MLLT3: variants seen among roughly 807,000 people sequenced by gnomAD.
MLLT3 encodes MLLT3 super elongation complex subunit, also known as protein AF-9.
Under a neutral mutation model 53.2 loss-of-function variants are expected in MLLT3, and 4 were observed. That is an observed-to-expected ratio of 0.08 (90% CI 0.04 to 0.17). The LOEUF (loss-of-function observed/expected upper bound fraction) is 0.17. MLLT3 is among the 10% of genes least tolerant of loss of function. The pLI is 1.00. For synonymous variants in MLLT3, 283 were observed against 230.6 expected, an observed-to-expected ratio of 1.23 and a Z score of -2.06; for missense variants, 569 against 684.0, an observed-to-expected ratio of 0.83 and a Z score of 1.87.
In MLLT3 at chr9:20,585,095, T is replaced by G. The variant is rs368302566; in HGVS notation, c.193+35559A>C. ...TTGCCTTAACAAAATACCATAAACT[T>G]GGTGGCTTAGTAATTTGTTTCTCAC... On this transcript the variant is annotated intron_variant, in intron 2 of 10. Transcript: ENST00000380338. Among the ~76,000 whole-genome samples the G allele has an allele frequency of 2.6e-5, 4 of 152,138 alleles. No homozygotes were observed. In the South Asian group the frequency reaches 8.3e-4, roughly 32 times the overall value.
rs201287840 is a variant in MLLT3, at chr9:20,454,484, C to T, written c.276+2220G>A. On this transcript the variant is annotated intron_variant, in intron 3 of 10. Coordinates refer to ENST00000380338, the MANE Select transcript of MLLT3 (RefSeq NM_004529.4). ...AAAGAGAGAAGATACTTCATTGCATCATTATTTCAAAACTGAAGTCAATGC... is the reference window on the plus strand; with the variant it reads ...AAAGAGAGAAGATACTTCATTGCATTATTATTTCAAAACTGAAGTCAATGC... 4.6e-5 allele frequency among the ~76,000 whole-genome samples: 7 copies of T among 152,310 alleles called. No homozygotes were observed. The East Asian group carries it at 1.3e-3, about 29-fold the overall frequency.
chr9:20,435,241 A>C (rs1823373114), intron 4 of MLLT3, among the ~76,000 whole-genome samples: 1 of 152,058 alleles, frequency 6.6e-6, no homozygotes, highest in African/African-American at 2.4e-5. Flanking sequence ...ACAGGGTCTC[A>C]GTATGTTACC....
rs182089564 is a variant in MLLT3, at chr9:20,602,194, A to G, written c.193+18460T>C. Among the ~76,000 whole-genome samples, 48 of 152,164 alleles carry G rather than the reference A, an allele frequency of 3.2e-4. 1 individual carries two copies. Among genetic ancestry groups the G allele is most frequent in the African/African-American group, 1.1e-3 (47 of 41,518 alleles). On this transcript the variant is annotated intron_variant, in intron 2 of 10. Coordinates refer to ENST00000380338, the MANE Select transcript of MLLT3 (RefSeq NM_004529.4). ...CTTCTTCCCGCTAACTCGTATGGCT[A>G]TTTTCTCCATTTTCAAGCCTCCAAA...
intron 2 of MLLT3, among the ~76,000 whole-genome samples, chr9:20,511,259 T>A (rs1563794221): frequency 6.6e-6 from 1 of 151,894 alleles, no homozygotes; most frequent in Non-Finnish European, 1.5e-5. Flanking sequence ...TTTTGTAATT[T>A]AAAAAAAACT....
intron 5 of MLLT3, among the ~76,000 whole-genome samples, chr9:20,406,635 CTATT>C (rs1822584075): frequency 6.6e-6 from 1 of 152,086 alleles, no homozygotes; most frequent in African/African-American, 2.4e-5. Flanking sequence ...CTTTCTTTCT[CTATT>C]TATTTAAAGT....
Position 20,448,125 on chromosome 9 carries a change from C to A in MLLT3, c.418G>T (p.Gly140Trp). The A allele has an allele frequency of 6.2e-7, 1 of 1,612,654 alleles. No homozygotes were observed. Among genetic ancestry groups the A allele is most frequent in the Non-Finnish European group, 8.5e-7 (1 of 1,179,366 alleles). ...TTTCACAAGAGAGTGCCACTTACCC[C>A]TCCTGCCTTCAGCAACTTTCTCCTA... Reference protein sequence around the residue: ...DFRRKLLKAGGDPNRSIHTSS... With the variant: ...DFRRKLLKAGWDPNRSIHTSS... Residue 140 changes from glycine (G) to tryptophan (W), a missense_variant and splice_region_variant, in exon 4 of 11, where the codon GGG becomes TGG. By Grantham distance (184) the Gly-to-Trp change is radical. Transcript: ENST00000380338. This position sits in a 1 kb window ranked among gnomAD's most constrained non-coding sequence, Gnocchi z 4.0.
At chr9:20,384,013 C>T (rs1821969458) in intron 5 of MLLT3, among the ~76,000 whole-genome samples, 1 of 152,014 alleles carries the variant, frequency 6.6e-6, no homozygotes, top group Non-Finnish European at 1.5e-5. Flanking sequence ...TAGGGCATCA[C>T]ATTGTTTGAG....
chr9:20,456,065 T>A (rs1823960606), intron 3 of MLLT3, among the ~76,000 whole-genome samples: 2 of 151,740 alleles, frequency 1.3e-5, no homozygotes, highest in African/African-American at 4.8e-5. Flanking sequence ...CAGCCTCCTA[T>A]GTAGCTGTAA....
intron 2 of MLLT3, among the ~76,000 whole-genome samples, chr9:20,470,818 G>A (rs1401427416): frequency 6.6e-6 from 1 of 151,936 alleles, no homozygotes; most frequent in African/African-American, 2.4e-5. Context: ...GATGCTTTAT[G>A]TATAAATACA....
chr9:20,475,388 G>C (rs1824495522), intron 2 of MLLT3, among the ~76,000 whole-genome samples: 1 of 151,986 alleles, frequency 6.6e-6, no homozygotes, highest in South Asian at 2.1e-4. Context: ...TCCCCTCTTG[G>C]AAGCTGTCCT....
At chr9:20,581,297 G>T (rs1198251879) in intron 2 of MLLT3, among the ~76,000 whole-genome samples, 5 of 152,096 alleles carry the variant, frequency 3.3e-5, no homozygotes, top group African/African-American at 1.2e-4. Context: ...TTTTAAGCAA[G>T]AAATTACATA....
At chr9:20,352,782 A>T (rs1253889514) in intron 10 of MLLT3, among the ~76,000 whole-genome samples, 2 of 139,088 alleles carry the variant, frequency 1.4e-5, no homozygotes, top group South Asian at 4.4e-4. Flanking sequence ...TGAAAGTAGT[A>T]AAAAAAAAAA....
intron 5 of MLLT3, among the ~76,000 whole-genome samples, chr9:20,402,936 C>T (rs369716490): frequency 6.6e-6 from 1 of 152,186 alleles, no homozygotes. Flanking sequence ...GTACGCCTGA[C>T]AGGCTTAAAT....
At chr9:20,426,379 A>G (rs945610163) in intron 4 of MLLT3, among the ~76,000 whole-genome samples, 3 of 152,166 alleles carry the variant, frequency 2.0e-5, no homozygotes, top group Admixed American at 2.0e-4. Context: ...ATTTCTGATA[A>G]TTAGCCTTGA....
intron 8 of MLLT3, among the ~76,000 whole-genome samples, chr9:20,360,058 C>T (rs920257111): frequency 1.3e-5 from 2 of 152,170 alleles, no homozygotes; most frequent in East Asian, 3.8e-4. Flanking sequence ...AGTTGACTAT[C>T]AAATTAATAA....
At chr9:20,594,863 G>A (rs945142513) in intron 2 of MLLT3, among the ~76,000 whole-genome samples, 4 of 152,120 alleles carry the variant, frequency 2.6e-5, no homozygotes, top group African/African-American at 9.7e-5. Context: ...AAAAAGGAGA[G>A]GAACCCTCAG....
chr9:20,495,581 G>C lies in MLLT3; in HGVS notation c.194-38795C>G, dbSNP rs190491037. Reference sequence around the variant, plus strand: ...AGAAAACGTGTGTGGCTGATGCTCAGTGCCTATTAACAGCGTTTTCATTAC... The same window carrying C: ...AGAAAACGTGTGTGGCTGATGCTCACTGCCTATTAACAGCGTTTTCATTAC... On this transcript the variant is annotated intron_variant, in intron 2 of 10. Coordinates refer to ENST00000380338, the MANE Select transcript of MLLT3 (RefSeq NM_004529.4). Among the ~76,000 whole-genome samples, 351 of 152,252 alleles carry C rather than the reference G, an allele frequency of 2.3e-3. 2 individuals carry two copies. Among genetic ancestry groups the C allele is most frequent in the Middle Eastern group, 3.4e-3 (1 of 294 alleles).
intron 2 of MLLT3, among the ~76,000 whole-genome samples, chr9:20,457,789 G>C (rs1201933018): frequency 6.6e-6 from 1 of 152,178 alleles, no homozygotes. Flanking sequence ...TGGGGAATGA[G>C]AGACCCTAAG....
intron 2 of MLLT3, among the ~76,000 whole-genome samples, chr9:20,471,009 C>T (rs1586974422): frequency 6.6e-6 from 1 of 152,034 alleles, no homozygotes; most frequent in East Asian, 1.9e-4. Flanking sequence ...TTCATCACGT[C>T]CCTGAAAGAT....
Sources: allele counts gnomAD v4.1 joint callset (sites outside exome capture counted in the v4.1 genomes callset), GRCh38; gene constraint gnomAD v4.1.1; non-coding constraint Gnocchi (gnomAD v3.1); transcripts MANE v1.5; gene names NCBI Gene and HGNC (gene_info 2026-07-23, HGNC 2026-07-21).